LRRTM4: variants seen among roughly 807,000 people sequenced by gnomAD.
The protein encoded by LRRTM4 is leucine rich repeat transmembrane neuronal 4.
In LRRTM4, 25 loss-of-function variants were observed where a neutral mutation model predicts 47.6. The observed-to-expected ratio is 0.53, with a 90% CI of 0.38 to 0.73. The LOEUF (loss-of-function observed/expected upper bound fraction) is 0.73, where lower values mean the gene tolerates loss of function less well. Among genes scored for constraint, LRRTM4 ranks in the 30% least tolerant of loss-of-function variants. LRRTM4 has a pLI of 0.00. For missense variants in LRRTM4, 638 were observed against 713.4 expected (o/e 0.89, Z 1.20); for synonymous variants, 311 against 269.5 (o/e 1.15, Z -1.51).
chr2:77,473,890 C>T lies in LRRTM4; in HGVS notation c.1551+44428G>A, dbSNP rs149697911. ...AGCTCTGCAACAGTCAAGCCAAGCC[C>T]GCTTGTACATCATTCTTACGAATAA... is the stretch of plus-strand genomic sequence containing the variant. On this transcript the variant is annotated intron_variant, in intron 3 of 3. Transcript: ENST00000409884. Among the ~76,000 whole-genome samples the T allele has an allele frequency of 1.2e-3, 190 of 152,204 alleles. 2 individuals carry two copies. The highest frequency in any genetic ancestry group is 4.0e-3 in the African/African-American group (166 of 41,548).
chr2:77,239,500 T>C (rs1258541048), intron 3 of LRRTM4, among the ~76,000 whole-genome samples: 4 of 151,938 alleles, frequency 2.6e-5, no homozygotes, highest in Non-Finnish European at 5.9e-5. Flanking sequence ...TGTCAGATGA[T>C]TGGATATAAA....
intron 3 of LRRTM4, among the ~76,000 whole-genome samples, chr2:77,289,689 G>A (rs1004520173): frequency 2.6e-5 from 4 of 151,892 alleles, no homozygotes; most frequent in African/African-American, 9.7e-5. Flanking sequence ...CTACAATGTA[G>A]GCAGATTGAT....
intron 3 of LRRTM4, among the ~76,000 whole-genome samples, chr2:77,121,402 A>G (rs1394494297): frequency 6.6e-6 from 1 of 151,828 alleles, no homozygotes; most frequent in African/African-American, 2.4e-5. Flanking sequence ...ATAGTGTTGC[A>G]CTTCTCATTT....
chr2:77,299,306 C>T (rs914119202), intron 3 of LRRTM4, among the ~76,000 whole-genome samples: 12 of 149,656 alleles, frequency 8.0e-5, no homozygotes, highest in Admixed American at 3.3e-4. Context: ...TATATATACA[C>T]GTATATACAT....
chr2:76,823,288 T>C (rs1671103010), intron 3 of LRRTM4, among the ~76,000 whole-genome samples: 1 of 151,406 alleles, frequency 6.6e-6, no homozygotes, highest in Admixed American at 6.6e-5. Flanking sequence ...TTATATCCCA[T>C]CTACTTTCAA....
intron 3 of LRRTM4, among the ~76,000 whole-genome samples, chr2:77,514,692 T>C (rs1381171787): frequency 6.6e-6 from 1 of 151,972 alleles, no homozygotes; most frequent in Non-Finnish European, 1.5e-5. Context: ...AGAGACTACA[T>C]TCATTCATTT....
Position 76,950,605 on chromosome 2 carries a change from T to C in LRRTM4, c.1552-201689A>G, listed in dbSNP as rs147121395. On this transcript the variant is annotated intron_variant, in intron 3 of 3. Transcript: ENST00000409884. ...CTTAATATGGATTTTTTTTTGACTA[T>C]AAGAATTTGCTGCTCAAAACTTCAG... Among the ~76,000 whole-genome samples, 1,319 of 152,098 alleles carry C rather than the reference T, an allele frequency of 8.7e-3. 23 individuals carry two copies. Among genetic ancestry groups the C allele is most frequent in the African/African-American group, 0.03 (1,240 of 41,514 alleles).
intron 3 of LRRTM4, among the ~76,000 whole-genome samples, chr2:77,115,537 A>G (rs1671366549): frequency 6.6e-6 from 1 of 152,166 alleles, no homozygotes; most frequent in African/African-American, 2.4e-5. Flanking sequence ...AAATCTTCAC[A>G]ATTTATGTTC....
At chr2:77,017,414 T>C (rs1373417595) in intron 3 of LRRTM4, among the ~76,000 whole-genome samples, 3 of 152,104 alleles carry the variant, frequency 2.0e-5, no homozygotes, top group African/African-American at 7.3e-5. Flanking sequence ...TTTCCATTTA[T>C]CTTTTCTTTT....
chr2:77,050,310 G>C (rs572813969), intron 3 of LRRTM4, among the ~76,000 whole-genome samples: 54 of 152,060 alleles, frequency 3.6e-4, no homozygotes, highest in African/African-American at 1.3e-3. Context: ...CTTTTGGATG[G>C]GCCACTGGCC....
At chr2:77,063,402 G>A (rs920444124) in intron 3 of LRRTM4, among the ~76,000 whole-genome samples, 7 of 152,042 alleles carry the variant, frequency 4.6e-5, no homozygotes, top group African/African-American at 1.7e-4. Context: ...CTTAGCCTGT[G>A]TATTTGCTAA....
chr2:77,441,702 T>G (rs901795464), intron 3 of LRRTM4, among the ~76,000 whole-genome samples: 3 of 152,172 alleles, frequency 2.0e-5, no homozygotes, highest in African/African-American at 7.2e-5. Flanking sequence ...CTTATTTCAA[T>G]GGACCATAAA....
intron 3 of LRRTM4, among the ~76,000 whole-genome samples, chr2:77,466,887 C>T (rs983131023): frequency 7.2e-5 from 11 of 151,772 alleles, no homozygotes; most frequent in African/African-American, 2.2e-4. Flanking sequence ...TAAGTAGAGA[C>T]GGGATTTCAC....
chr2:76,876,204 A>G (rs570335840), intron 3 of LRRTM4, among the ~76,000 whole-genome samples: 1 of 152,288 alleles, frequency 6.6e-6, no homozygotes, highest in South Asian at 2.1e-4. Context: ...ATTAATTTCT[A>G]TTAAATACTG....
intron 3 of LRRTM4, among the ~76,000 whole-genome samples, chr2:77,365,464 AT>A (rs901768981): frequency 6.6e-6 from 1 of 151,932 alleles, no homozygotes; most frequent in Non-Finnish European, 1.5e-5. Context: ...TTTGGCATAG[AT>A]TTTTTTAATA....
At chr2:76,898,984 T>C (rs1673522381) in intron 3 of LRRTM4, among the ~76,000 whole-genome samples, 1 of 152,040 alleles carries the variant, frequency 6.6e-6, no homozygotes, top group African/African-American at 2.4e-5. Context: ...ATGTTCTCTT[T>C]GATTAATTTA....
intron 3 of LRRTM4, among the ~76,000 whole-genome samples, chr2:76,796,833 G>A (rs181954610): frequency 1.1e-4 from 16 of 152,154 alleles, no homozygotes; most frequent in Admixed American, 3.9e-4. Flanking sequence ...GAAGGCAGAC[G>A]CCTCAGGAGC....
chr2:77,106,848 T>A (rs926219070), intron 3 of LRRTM4, among the ~76,000 whole-genome samples: 1 of 151,582 alleles, frequency 6.6e-6, no homozygotes, highest in Non-Finnish European at 1.5e-5. Flanking sequence ...AGGAAATGAA[T>A]TTTTTCCTTA....
chr2:76,966,815 G>A (rs1343587414), intron 3 of LRRTM4, among the ~76,000 whole-genome samples: 4 of 151,328 alleles, frequency 2.6e-5, no homozygotes, highest in African/African-American at 4.8e-5. Flanking sequence ...CCTCTTTGGG[G>A]ATTCTTAATA....
Sources: allele counts gnomAD v4.1 joint callset (sites outside exome capture counted in the v4.1 genomes callset), GRCh38; gene constraint gnomAD v4.1.1; transcripts MANE v1.5; gene names NCBI Gene and HGNC (gene_info 2026-07-23, HGNC 2026-07-21).